The following C10orf90 variants were observed in gnomAD, a reference collection of about 807,000 sequenced individuals.
C10orf90 encodes the protein (E2-independent) E3 ubiquitin-conjugating enzyme FATS.
A neutral mutation model predicts 62.5 loss-of-function variants in C10orf90; 56 were observed. That is an observed-to-expected ratio of 0.90 (90% CI 0.72 to 1.12). The LOEUF (loss-of-function observed/expected upper bound fraction) is 1.12. Ranked by LOEUF, C10orf90 falls within the 50% of genes most tolerant of loss-of-function variation. The pLI, the probability that C10orf90 is intolerant of heterozygous loss-of-function variation, is 0.00. For missense variants in C10orf90, 970 were observed against 880.4 expected (o/e 1.10, Z -1.29); for synonymous variants, 386 against 340.4 (o/e 1.13, Z -1.47).
At chr10:126,574,171 A>G (rs929596449) in intron 2 of C10orf90, among the ~76,000 whole-genome samples, 8 of 152,228 alleles carry the variant, frequency 5.3e-5, no homozygotes, top group Admixed American at 4.6e-4. Flanking sequence ...TTGACTACAT[A>G]AAAAATTGGA....
chr10:126,453,308 A>G lies in C10orf90; in HGVS notation c.2188+5732T>C, dbSNP rs1361484318. Among the ~76,000 whole-genome samples, 6 of 152,176 alleles carry G rather than the reference A, an allele frequency of 3.9e-5. No individual in the cohort carries two copies. Among genetic ancestry groups the G allele is most frequent in the South Asian group, 2.1e-4 (1 of 4,830 alleles). ...TGGAGTATGCCCACCAGCTCTTACA[A>G]TCTAGAAGGTTTTCCAACACAACCA... On this transcript the variant is annotated intron_variant, in intron 7 of 9. Coordinates refer to ENST00000488181, the MANE Select transcript of C10orf90 (RefSeq NM_001350921.2). This position sits in a 1 kb window ranked among gnomAD's most constrained non-coding sequence, Gnocchi z 4.9.
At chr10:126,530,485 T>C (rs1361060838) in intron 2 of C10orf90, among the ~76,000 whole-genome samples, 1 of 150,014 alleles carries the variant, frequency 6.7e-6, no homozygotes, top group Non-Finnish European at 1.5e-5. Context: ...TAGAAAAAAA[T>C]ATACAAATTG....
At chr10:126,507,382 T>C (rs578036110) in intron 3 of C10orf90, among the ~76,000 whole-genome samples, 7 of 142,368 alleles carry the variant, frequency 4.9e-5, no homozygotes, top group African/African-American at 1.6e-4. Flanking sequence ...AAAAAATACA[T>C]GGGGAATTGT....
intron 2 of C10orf90, among the ~76,000 whole-genome samples, chr10:126,594,866 T>C (rs1487703236): frequency 6.6e-6 from 1 of 152,012 alleles, no homozygotes; most frequent in African/African-American, 2.4e-5. Context: ...AGAAGGGCAC[T>C]AAGAGGCAGG....
At chr10:126,573,931 C>A (rs899685840) in intron 2 of C10orf90, among the ~76,000 whole-genome samples, 1 of 152,140 alleles carries the variant, frequency 6.6e-6, no homozygotes, top group African/African-American at 2.4e-5. Flanking sequence ...TAGGCCCAGT[C>A]CCCTGCTCTG....
chr10:126,650,888 C>T (rs1279095168), intron 1 of C10orf90, among the ~76,000 whole-genome samples: 1 of 152,196 alleles, frequency 6.6e-6, no homozygotes, highest in African/African-American at 2.4e-5. Context: ...TCCTTCCACC[C>T]CCCAGCCACC....
At chr10:126,443,088 C>T (rs1040637791) in intron 7 of C10orf90, among the ~76,000 whole-genome samples, 135 of 152,018 alleles carry the variant, frequency 8.9e-4, no homozygotes, top group African/African-American at 3.1e-3. Context: ...ATTCTAACGT[C>T]GTCACACACC....
At chr10:126,429,595 C>A (rs928368447) in intron 8 of C10orf90, among the ~76,000 whole-genome samples, 192 bp downstream of exon 8, 1 of 152,180 alleles carries the variant, frequency 6.6e-6, no homozygotes, top group Non-Finnish European at 1.5e-5. Context: ...TTTCCAAGAG[C>A]AGCATTAACA....
chr10:126,427,218 T>A (rs1490304594), intron 8 of C10orf90, among the ~76,000 whole-genome samples: 1 of 152,184 alleles, frequency 6.6e-6, no homozygotes, highest in Non-Finnish European at 1.5e-5. Flanking sequence ...AAAGAACACA[T>A]AATTGCCACA....
intron 2 of C10orf90, among the ~76,000 whole-genome samples, chr10:126,624,867 C>T (rs1262660221): frequency 6.6e-6 from 1 of 152,104 alleles, no homozygotes; most frequent in Non-Finnish European, 1.5e-5. Context: ...CAGGTTAAGG[C>T]CTACACAGAA....
intron 1 of C10orf90, among the ~76,000 whole-genome samples, chr10:126,656,273 T>C (rs1846393762): frequency 6.6e-6 from 1 of 152,180 alleles, no homozygotes. Context: ...ATAACATCAA[T>C]AATAATGTGA....
At chr10:126,553,356 T>G (rs1317149181) in intron 2 of C10orf90, among the ~76,000 whole-genome samples, 2 of 152,150 alleles carry the variant, frequency 1.3e-5, no homozygotes, top group African/African-American at 2.4e-5. Flanking sequence ...AGGCACTTCA[T>G]AAGAGAGTAT....
intron 2 of C10orf90, among the ~76,000 whole-genome samples, chr10:126,586,837 A>T (rs1055636309): frequency 2.6e-5 from 4 of 151,870 alleles, no homozygotes; most frequent in African/African-American, 9.7e-5. Flanking sequence ...CTCCTCTGTG[A>T]CTCTCCACTG....
intron 3 of C10orf90, among the ~76,000 whole-genome samples, chr10:126,508,971 T>G (rs1382518039): frequency 6.6e-6 from 1 of 152,116 alleles, no homozygotes; most frequent in Non-Finnish European, 1.5e-5. Context: ...GACCGAGCCC[T>G]GAAGCCACAG....
chr10:126,604,287 G>A (rs1845261659), intron 2 of C10orf90, among the ~76,000 whole-genome samples: 1 of 151,992 alleles, frequency 6.6e-6, no homozygotes, highest in East Asian at 1.9e-4. Flanking sequence ...GCATCACCTG[G>A]GCATCACCCA....
intron 7 of C10orf90, among the ~76,000 whole-genome samples, chr10:126,431,960 C>T (rs531532741): frequency 7.9e-5 from 12 of 152,246 alleles, no homozygotes; most frequent in African/African-American, 2.9e-4. Flanking sequence ...GATTCTGGGC[C>T]CAGCAGCCCA....
intron 2 of C10orf90, among the ~76,000 whole-genome samples, chr10:126,598,452 A>G (rs1215994216): frequency 6.6e-6 from 1 of 152,098 alleles, no homozygotes; most frequent in Admixed American, 6.6e-5. Context: ...ATCTTTGAGC[A>G]CCAAATCCAC....
chr10:126,434,391 T>C (rs1857782856), intron 7 of C10orf90, among the ~76,000 whole-genome samples: 1 of 152,190 alleles, frequency 6.6e-6, no homozygotes, highest in African/African-American at 2.4e-5. Context: ...GCAGAGCCCT[T>C]ATCTACAGCT....
chr10:126,628,647 A>T (rs891182014), intron 2 of C10orf90, among the ~76,000 whole-genome samples: 1 of 152,184 alleles, frequency 6.6e-6, no homozygotes, highest in Non-Finnish European at 1.5e-5. Context: ...AGCAGTGAAA[A>T]CAGTTCAATA....
Sources: allele counts gnomAD v4.1 joint callset (sites outside exome capture counted in the v4.1 genomes callset), GRCh38; gene constraint gnomAD v4.1.1; non-coding constraint Gnocchi (gnomAD v3.1); transcripts MANE v1.5; gene names NCBI Gene and HGNC (gene_info 2026-07-23, HGNC 2026-07-21).